LRRC37A2: variants seen among roughly 807,000 people sequenced by gnomAD.
LRRC37A2 encodes the protein leucine-rich repeat-containing protein 37A2.
In LRRC37A2, 9 loss-of-function variants were observed where a neutral mutation model predicts 68.8. The observed-to-expected ratio is 0.13, with a 90% CI of 0.08 to 0.23. The LOEUF is 0.23. Ranked by LOEUF, LRRC37A2 falls within the 10% of genes least tolerant of loss-of-function variation. LRRC37A2 has a pLI of 1.00. For synonymous variants in LRRC37A2, 63 were observed against 367.6 expected (o/e 0.17, Z 9.48); for missense variants, 168 against 950.4 (o/e 0.18, Z 10.82).
chr17:46,713,461 C>T, the LRRC37A2 span: 1 of 159,862 alleles, frequency 6.3e-6, no homozygotes, highest in Non-Finnish European at 1.4e-5. Context: ...TTTTCCCCTG[C>T]CCCCAATATC....
the LRRC37A2 span, among the ~76,000 whole-genome samples, chr17:46,977,410 C>T: frequency 6.6e-6 from 1 of 152,234 alleles, no homozygotes; most frequent in Non-Finnish European, 1.5e-5. Flanking sequence ...AGCCTTCTCT[C>T]CTCCAGTGTC....
At chr17:46,915,380 T>A in the LRRC37A2 span, among the ~76,000 whole-genome samples, 1 of 152,188 alleles carries the variant, frequency 6.6e-6, no homozygotes, top group African/African-American at 2.4e-5. Context: ...TGCAAGAAGC[T>A]GAGTGGAAGC....
the LRRC37A2 span, chr17:46,923,370 C>T: frequency 0.043 from 63,478 of 1,475,948 alleles, 1,580 homozygotes; most frequent in Admixed American, 0.056. Flanking sequence ...AGTGCTTAAT[C>T]CTTGGCGGGA....
At chr17:46,545,608 T>G (rs2145715689) in intron 8 of LRRC37A2, among the ~76,000 whole-genome samples, 1 of 128,168 alleles carries the variant, frequency 7.8e-6, no homozygotes, top group African/African-American at 3.7e-5. Context: ...GGTTGCAAAG[T>G]GACACTTTTA....
the LRRC37A2 span, among the ~76,000 whole-genome samples, chr17:46,959,365 G>A: frequency 2.0e-5 from 3 of 152,174 alleles, no homozygotes; most frequent in African/African-American, 7.2e-5. Context: ...CCTTTTAAGT[G>A]TATTTCTTTT....
At chr17:47,018,489 T>G in the LRRC37A2 span, 3 of 1,525,240 alleles carry the variant, frequency 2.0e-6, no homozygotes, top group Non-Finnish European at 2.7e-6. Flanking sequence ...GGGAAATTCT[T>G]TAGTCCACCA....
intron 6 of LRRC37A2, among the ~76,000 whole-genome samples, chr17:46,531,974 A>C (rs1027023449): frequency 6.8e-6 from 1 of 147,216 alleles, no homozygotes; most frequent in East Asian, 2.0e-4. Flanking sequence ...TTTTGCATCA[A>C]TTCTTATAAT....
At chr17:46,990,723 T>G in the LRRC37A2 span, among the ~76,000 whole-genome samples, 1 of 151,890 alleles carries the variant, frequency 6.6e-6, no homozygotes, top group Admixed American at 6.6e-5. Context: ...CAGGCTAGAG[T>G]GCAGTGGCAC....
At chr17:46,918,580 A>G in the LRRC37A2 span, among the ~76,000 whole-genome samples, 4 of 138,170 alleles carry the variant, frequency 2.9e-5, no homozygotes, top group Non-Finnish European at 5.9e-5. Flanking sequence ...CCAACCTGAT[A>G]GAGATATAGC....
the LRRC37A2 span, among the ~76,000 whole-genome samples, chr17:46,853,292 A>G: frequency 6.8e-6 from 1 of 147,838 alleles, no homozygotes; most frequent in Non-Finnish European, 1.5e-5. Flanking sequence ...TTATAAGAAG[A>G]TTGAGCTAGT....
intron 8 of LRRC37A2, among the ~76,000 whole-genome samples, chr17:46,541,493 C>T (rs2055310215): frequency 1.3e-5 from 2 of 149,994 alleles, no homozygotes; most frequent in Non-Finnish European, 2.9e-5. Context: ...CTCAAGTGAT[C>T]CGCCTGCCTC....
chr17:46,775,734 C>T, the LRRC37A2 span, among the ~76,000 whole-genome samples: 8 of 151,994 alleles, frequency 5.3e-5, no homozygotes, highest in Admixed American at 5.2e-4. Context: ...CTGCCTCAGC[C>T]TCCCGAGTAG....
chr17:46,409,327 C>T, the LRRC37A2 span, among the ~76,000 whole-genome samples: 11 of 139,546 alleles, frequency 7.9e-5, no homozygotes, highest in Admixed American at 2.9e-4. Flanking sequence ...GACAGGGTCT[C>T]GTTCTGAGAC....
the LRRC37A2 span, chr17:47,024,739 C>T: frequency 1.2e-6 from 1 of 843,658 alleles, no homozygotes; most frequent in Non-Finnish European, 2.1e-6. Flanking sequence ...GGCCTGCTAT[C>T]CCTCCAGTAT....
At chr17:46,928,862 T>C in the LRRC37A2 span, among the ~76,000 whole-genome samples, 44 of 152,332 alleles carry the variant, frequency 2.9e-4, no homozygotes, top group South Asian at 8.5e-3. Context: ...TTCACAGCGA[T>C]GCTCAGAACT....
chr17:46,792,928 C>A, the LRRC37A2 span, among the ~76,000 whole-genome samples: 1 of 151,826 alleles, frequency 6.6e-6, no homozygotes, highest in African/African-American at 2.4e-5. Flanking sequence ...AGTGACTCGT[C>A]TAAAGTCACA....
At chr17:46,836,257 T>C in the LRRC37A2 span, among the ~76,000 whole-genome samples, 2 of 151,964 alleles carry the variant, frequency 1.3e-5, no homozygotes, top group Admixed American at 6.6e-5. Flanking sequence ...GGAAGTGATA[T>C]TGGAATTCAA....
chr17:47,014,233 T>C, the LRRC37A2 span, among the ~76,000 whole-genome samples: 2 of 150,912 alleles, frequency 1.3e-5, no homozygotes, highest in African/African-American at 4.9e-5. Context: ...CTACTAAAAA[T>C]ACAAAAATTA....
At chr17:46,946,576 T>C in the LRRC37A2 span, among the ~76,000 whole-genome samples, 1 of 150,776 alleles carries the variant, frequency 6.6e-6, no homozygotes, top group African/African-American at 2.4e-5. Flanking sequence ...TTAATAATTA[T>C]GAGAGGCCAG....
Sources: allele counts gnomAD v4.1 joint callset (sites outside exome capture counted in the v4.1 genomes callset), GRCh38; gene constraint gnomAD v4.1.1; transcripts MANE v1.5; gene names NCBI Gene and HGNC (gene_info 2026-07-23, HGNC 2026-07-21).